The following RGL1 variants were observed in gnomAD, a reference collection of about 807,000 sequenced individuals.
The protein encoded by RGL1 is ral guanine nucleotide dissociation stimulator-like 1.
In RGL1, 24 loss-of-function variants were observed where a neutral mutation model predicts 95.2. The observed-to-expected ratio is 0.25, with a 90% CI of 0.18 to 0.35. RGL1 has a LOEUF of 0.35. Ranked by LOEUF, RGL1 falls within the 10% of genes least tolerant of loss-of-function variation. The probability of loss-of-function intolerance (pLI) is 1.00; values close to 1 mark genes in which losing one functional copy is unlikely to be tolerated. For synonymous variants in RGL1, 329 were observed against 344.9 expected (o/e 0.95, Z 0.51); for missense variants, 715 against 936.3 (o/e 0.76, Z 3.08).
intron 16 of RGL1, among the ~76,000 whole-genome samples, chr1:183,916,975 G>T (rs142090615): frequency 1.3e-5 from 2 of 152,172 alleles, no homozygotes; most frequent in East Asian, 3.9e-4. Flanking sequence ...AAACTTATTC[G>T]TTTAGGTCAG....
At chr1:183,767,415 C>G (rs1382854686) in intron 2 of RGL1, among the ~76,000 whole-genome samples, 1 of 152,066 alleles carries the variant, frequency 6.6e-6, no homozygotes, top group East Asian at 1.9e-4. Flanking sequence ...TACCCACAGC[C>G]TAAAATACAA....
At chr1:183,858,554 A>T (rs755950441) in intron 3 of RGL1, among the ~76,000 whole-genome samples, 1 of 152,186 alleles carries the variant, frequency 6.6e-6, no homozygotes, top group South Asian at 2.1e-4. Context: ...ATTAACTAAA[A>T]TTACGCTTCA....
intron 2 of RGL1, among the ~76,000 whole-genome samples, chr1:183,792,651 A>T (rs774039504): frequency 2.6e-4 from 39 of 152,152 alleles, no homozygotes; most frequent in Admixed American, 6.5e-4. Flanking sequence ...AATCAGTTGT[A>T]TCTCTATATG....
In RGL1 at chr1:183,677,887, G is replaced by C. The variant is rs143752540; in HGVS notation, c.-33+41386G>C. 3.3e-3 allele frequency among the ~76,000 whole-genome samples: 499 copies of C among 152,300 alleles called. 3 individuals carry two copies. Among genetic ancestry groups the C allele is most frequent in the African/African-American group, 0.012 (484 of 41,560 alleles). On this transcript the variant is annotated intron_variant, in intron 1 of 18. Coordinates refer to the RGL1 transcript ENST00000304685. ...AGTCTGTGTGGTGAGGATACCTGGAGAACAGGGCACCCTCAGAATGAAGGT... is the reference window on the plus strand; with the variant it reads ...AGTCTGTGTGGTGAGGATACCTGGACAACAGGGCACCCTCAGAATGAAGGT...
At chr1:183,807,924 G>A (rs1661448327) in intron 2 of RGL1, among the ~76,000 whole-genome samples, 1 of 152,176 alleles carries the variant, frequency 6.6e-6, no homozygotes, top group Admixed American at 6.5e-5. Flanking sequence ...TTGTGTGTAT[G>A]TATTTTATTT....
At chr1:183,877,859 G>A (rs1238414214) in intron 4 of RGL1, among the ~76,000 whole-genome samples, 1 of 152,150 alleles carries the variant, frequency 6.6e-6, no homozygotes, top group African/African-American at 2.4e-5. Context: ...GTCTAATGTG[G>A]ACGAAGGCTC....
At chr1:183,765,732 TG>T (rs1658928752) in intron 2 of RGL1, among the ~76,000 whole-genome samples, 1 of 152,200 alleles carries the variant, frequency 6.6e-6, no homozygotes, top group African/African-American at 2.4e-5. Flanking sequence ...AGCCCTGGGT[TG>T]TAGCTGATTA....
chr1:183,916,503 A>C lies in RGL1; in HGVS notation c.1806A>C (p.Ser602=), dbSNP rs770979045. 2 of 1,613,222 alleles carry C rather than the reference A, an allele frequency of 1.2e-6. No individual in the cohort carries two copies. The highest frequency in any genetic ancestry group is 1.7e-6 in the Non-Finnish European group (2 of 1,179,940). The change falls in exon 16 of 18, where the codon TCA becomes TCC. Residue 602 remains serine, a synonymous_variant. Coordinates refer to ENST00000360851, the MANE Select transcript of RGL1 (RefSeq NM_001297671.3). ...TCCATTCCATGGACACAAATTCCTC[A>C]GGGATGTCTTCCTTAATCAACCCCC... ...SSIHSMDTNS[S]GMSSLINPLS... is the part of the protein sequence containing the mutation.
Position 183,900,211 on chromosome 1 carries a change from A to T in RGL1, c.1292A>T (p.Asp431Val). 3 of 1,613,902 alleles carry T rather than the reference A, an allele frequency of 1.9e-6. No individual in the cohort carries two copies. The highest frequency in any genetic ancestry group is 2.5e-6 in the Non-Finnish European group (3 of 1,179,836). The change falls in exon 11 of 18, where the codon GAC becomes GTC. Residue 431 changes from aspartate (D) to valine (V), a missense_variant. Around this residue, in one of 3 missense-constraint regions of RGL1, gnomAD observed 330 missense variants for 429.6 expected, o/e 0.77. Transcript: ENST00000360851. ...GTFLTDLTML[D>V]TALQDYIEGG... The stretch of plus-strand genomic sequence containing the variant: ...TTCCTGACTGACCTGACCATGCTTG[A>T]CACTGCCCTTCAGGACTACATCGAG...
At chr1:183,791,122 A>C (rs1660425043) in intron 2 of RGL1, among the ~76,000 whole-genome samples, 1 of 152,182 alleles carries the variant, frequency 6.6e-6, no homozygotes, top group Non-Finnish European at 1.5e-5. Context: ...CATTCTGTAG[A>C]CCTCACTTTG....
intron 1 of RGL1, among the ~76,000 whole-genome samples, chr1:183,684,192 T>G (rs1217469987): frequency 6.6e-6 from 1 of 152,194 alleles, no homozygotes; most frequent in Non-Finnish European, 1.5e-5. Flanking sequence ...TCATTCTCCA[T>G]CCAGTTTTGT....
At chr1:183,785,511 A>G (rs763110213) in intron 2 of RGL1, among the ~76,000 whole-genome samples, 2 of 152,070 alleles carry the variant, frequency 1.3e-5, no homozygotes, top group Non-Finnish European at 2.9e-5. Context: ...TTGAGGTCCT[A>G]TTATCTTTAT....
intron 2 of RGL1, among the ~76,000 whole-genome samples, chr1:183,762,586 CG>C (rs983970705): frequency 6.6e-6 from 1 of 152,166 alleles, no homozygotes; most frequent in Non-Finnish European, 1.5e-5. Context: ...CTGCTTGATG[CG>C]GGGTTGCCAC....
At chr1:183,652,025 A>G (rs965570227) in intron 1 of RGL1, among the ~76,000 whole-genome samples, 2 of 152,224 alleles carry the variant, frequency 1.3e-5, no homozygotes, top group Admixed American at 1.3e-4. Flanking sequence ...CTCAGATTAC[A>G]ATTTCAACTC....
chr1:183,637,319 C>G, intron 1 of RGL1, among the ~76,000 whole-genome samples: 1 of 152,100 alleles, frequency 6.6e-6, no homozygotes, highest in East Asian at 1.9e-4. Context: ...TTCTGAAGGG[C>G]AGAAACAGTT....
intron 15 of RGL1, among the ~76,000 whole-genome samples, chr1:183,915,292 G>C (rs1349366802): frequency 6.6e-6 from 1 of 152,152 alleles, no homozygotes; most frequent in Non-Finnish European, 1.5e-5. Flanking sequence ...ATATTTTATA[G>C]GATTAACATG....
intron 2 of RGL1, among the ~76,000 whole-genome samples, chr1:183,752,923 A>AT (rs1426261706): frequency 1.3e-5 from 2 of 151,896 alleles, no homozygotes; most frequent in Non-Finnish European, 2.9e-5. Flanking sequence ...TCATCTCTAC[A>AT]TTTTTTGCTG....
At chr1:183,760,348 C>T (rs986449703) in intron 2 of RGL1, among the ~76,000 whole-genome samples, 4 of 152,190 alleles carry the variant, frequency 2.6e-5, no homozygotes, top group African/African-American at 4.8e-5. Context: ...TGAAGTTTGT[C>T]ATATCCATTG....
chr1:183,878,194 A>G (rs147736874), intron 4 of RGL1, among the ~76,000 whole-genome samples: 40 of 148,406 alleles, frequency 2.7e-4, no homozygotes, highest in African/African-American at 7.2e-4. Flanking sequence ...CTATCTATCT[A>G]TCTGTCTATC....
Sources: allele counts gnomAD v4.1 joint callset (sites outside exome capture counted in the v4.1 genomes callset), GRCh38; gene constraint gnomAD v4.1.1; regional missense constraint gnomAD v4.1.1; transcripts MANE v1.5; gene names NCBI Gene and HGNC (gene_info 2026-07-23, HGNC 2026-07-21).